Variants in DMD observed in about 807,000 individuals in gnomAD.
DMD encodes the protein dystrophin.
In DMD, 63 loss-of-function variants were observed where a neutral mutation model predicts 330.1. The observed-to-expected ratio is 0.19, with a 90% CI of 0.16 to 0.24. DMD has a LOEUF of 0.24. Among genes scored for constraint, DMD ranks in the 10% least tolerant of loss-of-function variants. The pLI is 1.00. For missense variants in DMD, 3,344 were observed against 2,684.1 expected, an observed-to-expected ratio of 1.25 and a Z score of -5.43; for synonymous variants, 1,223 against 959.8, an observed-to-expected ratio of 1.27 and a Z score of -5.07.
intron 60 of DMD, among the ~76,000 whole-genome samples, chrX:31,443,817 G>T (rs1438402501): frequency 8.1e-5 from 9 of 111,727 alleles, no homozygotes; most frequent in South Asian, 7.5e-4. Context: ...CAAAGGAACT[G>T]CATGGTGGCA....
chrX:32,241,619 T>G (rs2097208984), intron 43 of DMD, among the ~76,000 whole-genome samples: 1 of 112,470 alleles, frequency 8.9e-6, no homozygotes, highest in Non-Finnish European at 1.9e-5. Flanking sequence ...TGGTTCAGTG[T>G]CAAGTCTGTC....
At chrX:31,943,371 C>T (rs2095033301) in intron 45 of DMD, among the ~76,000 whole-genome samples, 1 of 112,374 alleles carries the variant, frequency 8.9e-6, no homozygotes, top group Non-Finnish European at 1.9e-5. Flanking sequence ...CCCCTTGAAA[C>T]AATCATGAGC....
intron 55 of DMD, among the ~76,000 whole-genome samples, chrX:31,516,733 A>G (rs1171288434): frequency 2.7e-5 from 3 of 111,875 alleles, no homozygotes; most frequent in Non-Finnish European, 5.6e-5. Flanking sequence ...CTTTGCTTTC[A>G]TATCTCATTC....
At chrX:33,191,973 C>T (rs890654841) in intron 1 of DMD, among the ~76,000 whole-genome samples, 2 of 112,026 alleles carry the variant, frequency 1.8e-5, no homozygotes, top group Middle Eastern at 4.6e-3. Context: ...TGTAAATAAA[C>T]TCACCGCCTA....
chrX:32,699,570 T>C (rs2063928978), intron 7 of DMD, among the ~76,000 whole-genome samples: 1 of 111,765 alleles, frequency 8.9e-6, no homozygotes, highest in Non-Finnish European at 1.9e-5. Flanking sequence ...ATTGCCAAAC[T>C]AGCCCATCTA....
intron 29 of DMD, among the ~76,000 whole-genome samples, chrX:32,422,782 T>A (rs181269482): frequency 0.012 from 1,367 of 111,227 alleles, 12 homozygotes; most frequent in Middle Eastern, 0.037. Flanking sequence ...TCATTTTTTT[T>A]AAAAAAATAA....
At chrX:31,916,104 G>A (rs749425989) in intron 47 of DMD, among the ~76,000 whole-genome samples, 3 of 111,658 alleles carry the variant, frequency 2.7e-5, no homozygotes, top group South Asian at 3.8e-4. Flanking sequence ...GCCCAGGAGC[G>A]CTTGCCGAAG....
intron 78 of DMD, 146 bp from the exon 79 acceptor site, chrX:31,122,076 T>A: frequency 2.0e-6 from 1 of 501,409 alleles, no homozygotes; most frequent in Non-Finnish European, 3.5e-6. Context: ...ACAACAAGGT[T>A]TGATTTTTCA....
chrX:32,551,943 G>A (rs2049606975), intron 16 of DMD, among the ~76,000 whole-genome samples: 1 of 111,903 alleles, frequency 8.9e-6, no homozygotes, highest in African/African-American at 3.2e-5. Context: ...CTGCTAAACT[G>A]AGAATTACAA....
chrX:32,963,975 T>C (rs1347888295), intron 2 of DMD, among the ~76,000 whole-genome samples: 2 of 110,836 alleles, frequency 1.8e-5, no homozygotes, highest in Non-Finnish European at 3.8e-5. Flanking sequence ...TCACTGGTGG[T>C]CGGGTGCGGT....
intron 1 of DMD, among the ~76,000 whole-genome samples, chrX:33,051,807 C>T (rs777748340): frequency 5.0e-4 from 54 of 108,962 alleles, no homozygotes; most frequent in African/African-American, 1.8e-3. Context: ...TGCCACCACG[C>T]CCAGCTAATT....
chrX:33,268,015 A>G (rs1269911131), intron 1 of DMD, among the ~76,000 whole-genome samples: 1 of 103,177 alleles, frequency 9.7e-6, no homozygotes, highest in African/African-American at 3.7e-5. Flanking sequence ...TTTTTGACAG[A>G]GTCTCACTCT....
intron 57 of DMD, among the ~76,000 whole-genome samples, chrX:31,496,496 G>A (rs1251155732): frequency 3.6e-5 from 4 of 111,961 alleles, no homozygotes; most frequent in East Asian, 5.6e-4. Context: ...TGATGAGTAC[G>A]AGTTTTATTA....
At chrX:31,771,507 A>T (rs899423910) in intron 51 of DMD, among the ~76,000 whole-genome samples, 1 of 104,686 alleles carries the variant, frequency 9.6e-6, no homozygotes, top group Admixed American at 1.0e-4. Flanking sequence ...TTCCCCCTAA[A>T]TTTTTTTTTT....
At chrX:32,927,672 T>C (rs749351071) in intron 2 of DMD, among the ~76,000 whole-genome samples, 2 of 111,810 alleles carry the variant, frequency 1.8e-5, no homozygotes, top group Non-Finnish European at 3.8e-5. Context: ...TAGGATATCC[T>C]GGAAACAGAT....
intron 41 of DMD, among the ~76,000 whole-genome samples, chrX:32,326,134 G>A (rs2148689623): frequency 9.0e-6 from 1 of 111,702 alleles, no homozygotes; most frequent in South Asian, 3.7e-4. Flanking sequence ...AACTTGAAGG[G>A]ACACTAATGA....
intron 50 of DMD, among the ~76,000 whole-genome samples, chrX:31,781,324 ATCTT>A (rs2090998753): frequency 8.9e-6 from 1 of 112,411 alleles, no homozygotes; most frequent in Admixed American, 9.4e-5. Flanking sequence ...GACATCAGGT[ATCTT>A]TCTTACATGT....
At chrX:32,660,983 AAG>A (rs890566466) in intron 9 of DMD, among the ~76,000 whole-genome samples, 8 of 111,482 alleles carry the variant, frequency 7.2e-5, no homozygotes, top group Admixed American at 4.8e-4. Context: ...GCTAATAAAT[AAG>A]AGAGAGGCCT....
chrX:31,655,262 A>G (rs1477845655), intron 54 of DMD, among the ~76,000 whole-genome samples: 1 of 111,314 alleles, frequency 9.0e-6, no homozygotes, highest in Non-Finnish European at 1.9e-5. Flanking sequence ...GAGCAGGACT[A>G]TCAGTAAAAC....
Sources: allele counts gnomAD v4.1 joint callset (sites outside exome capture counted in the v4.1 genomes callset), GRCh38; gene constraint gnomAD v4.1.1; transcripts MANE v1.5; gene names NCBI Gene and HGNC (gene_info 2026-07-23, HGNC 2026-07-21).